BHLHA15: variants seen among roughly 807,000 people sequenced by gnomAD.
The protein encoded by BHLHA15 is class A basic helix-loop-helix protein 15.
Under a neutral mutation model 10.4 loss-of-function variants are expected in BHLHA15, and 7 were observed. That is an observed-to-expected ratio of 0.67 (90% CI 0.38 to 1.26). The LOEUF is 1.26. Ranked by LOEUF, BHLHA15 falls within the 50% of genes most tolerant of loss-of-function variation. The pLI is 0.02. For synonymous variants in BHLHA15, 140 were observed against 131.5 expected (o/e 1.06, Z -0.44); for missense variants, 289 against 287.4 (o/e 1.01, Z -0.04).
rs1433230346 is a variant in BHLHA15, at chr7:98,212,589, G to T, written c.280G>T (p.Ala94Ser). 1 of 1,606,676 alleles carries T rather than the reference G, an allele frequency of 6.2e-7. No homozygotes were observed. The highest frequency in any genetic ancestry group is 2.2e-5 in the East Asian group (1 of 44,588). Residue 94 changes from alanine (A) to serine (S), a missense_variant, in exon 2 of 2, where the codon GCC becomes TCC. Ala to Ser is a moderately conservative substitution (Grantham distance 99, BLOSUM62 1). Transcript: ENST00000609256. ...GCAGCGGATGCACAAGCTAAATAAC[G>T]CCTTCCAGGCCCTGCGTGAAGTCAT... The part of the protein sequence containing the change: ...ERQRMHKLNN[A>S]FQALREVIPH...
In BHLHA15 at chr7:98,215,034, C is replaced by T. The variant is rs899602532; in HGVS notation, c.*2155C>T. On this transcript the variant is annotated 3_prime_UTR_variant, in exon 2 of 2. Transcript: ENST00000609256. The stretch of plus-strand genomic sequence containing the variant: ...ACTCCCTTGGCCCTCCTCTTGGACC[C>T]CAAGGCCAGGCCGGATCCTTTTATC... 2.0e-5 allele frequency: 3 copies of T among 152,358 alleles called. No individual in the cohort carries two copies. The highest frequency in any genetic ancestry group is 7.2e-5 in the African/African-American group (3 of 41,476). 9.4% of individuals were successfully genotyped at this position (152,358 alleles called of 1,614,324 possible). A position where few individuals can be genotyped will look rare whatever the true frequency, so the allele number is the denominator to read the frequency against.
At position 98,212,979 on chromosome 7, in the gene BHLHA15, C is replaced by A. The variant is rs1306306315; in HGVS notation, c.*100C>A. On this transcript the variant is annotated 3_prime_UTR_variant, in exon 2 of 2. Transcript: ENST00000609256. ...CACGAGCCCCAGATGGGCGGTGACA[C>A]CCCACAAGGACACGGCCTCAGCGGT... 3 of 1,118,774 alleles carry A rather than the reference C, an allele frequency of 2.7e-6. No homozygotes were observed. The highest frequency in any genetic ancestry group is 3.7e-6 in the Non-Finnish European group (3 of 806,574). 69.3% of individuals were successfully genotyped at this position (1,118,774 alleles called of 1,614,324 possible).
Position 98,212,444 on chromosome 7 carries a change from G to T in BHLHA15, c.135G>T (p.Pro45=). 3 of 1,526,002 alleles carry T rather than the reference G, an allele frequency of 2.0e-6. No homozygotes were observed. The highest frequency in any genetic ancestry group is 2.6e-6 in the Non-Finnish European group (3 of 1,136,996). The allele number at this position is 1,526,002 out of a possible 1,614,324, so 94.5% of individuals were successfully genotyped here. A position where few individuals can be genotyped will look rare whatever the true frequency, so the allele number is the denominator to read the frequency against. The change falls in exon 2 of 2, where the codon CCG becomes CCT. Residue 45 remains proline, a synonymous_variant. Coordinates refer to ENST00000609256, the MANE Select transcript of BHLHA15 (RefSeq NM_177455.4). ...CGGCCAAGGGTCTGCGGAGCCGGCCGGCCCGGGCCGCAGCAAGGGCTCCGG... is the reference window on the plus strand; with the variant it reads ...CGGCCAAGGGTCTGCGGAGCCGGCCTGCCCGGGCCGCAGCAAGGGCTCCGG... The part of the protein sequence containing the change: ...PEPAKGLRSR[P]ARAAARAPGE...
At position 98,212,743 on chromosome 7, in the gene BHLHA15, CG is replaced by C; in HGVS notation, c.437del (p.Gly146AlafsTer77). Reference protein sequence around the residue: ...SSSRLPGLEGPGPKLYQHYQQ... With the variant: ...SSSRLPGLEGXGPKLYQHYQQ... The stretch of plus-strand genomic sequence containing the variant: ...AGCCGCCTCCCAGGCCTGGAGGGGC[CG>C]GGCCCCAAGCTCTACCAGCACTACC... On this transcript the variant is annotated frameshift_variant, in exon 2 of 2. Coordinates refer to ENST00000609256, the MANE Select transcript of BHLHA15 (RefSeq NM_177455.4). LOFTEE classifies it high-confidence loss of function. 6.4e-7 allele frequency: 1 copy of C among 1,556,540 alleles called. No homozygotes were observed. The highest frequency in any genetic ancestry group is 2.4e-5 in the East Asian group (1 of 41,746).
In BHLHA15 at chr7:98,214,448, A is replaced by G. The variant is rs1797955109; in HGVS notation, c.*1569A>G. ...CTTGGGAGGGGCACTCTGGAAGGTC[A>G]GGGTGATCCACAACTGTGAGCTGAG... On this transcript the variant is annotated 3_prime_UTR_variant, in exon 2 of 2. Coordinates refer to ENST00000609256, the MANE Select transcript of BHLHA15 (RefSeq NM_177455.4). 6.6e-6 allele frequency among the ~76,000 whole-genome samples: 1 copy of G among 152,166 alleles called. No individual in the cohort carries two copies. Among genetic ancestry groups the G allele is most frequent in the Admixed American group, 6.6e-5 (1 of 15,266 alleles).
rs1453334478 is a variant in BHLHA15 at position 98,213,691 on chromosome 7, G to A, written c.*812G>A. 1.3e-5 allele frequency among the ~76,000 whole-genome samples: 2 copies of A among 152,234 alleles called. No homozygotes were observed. The highest frequency in any genetic ancestry group is 2.9e-5 in the Non-Finnish European group (2 of 68,034). ...CCCAAGGCCCTGGGTTGCTCCCCAAGAGCAGCTCTGAGGCCTCCTGCTCAG... is the reference window on the plus strand; with the variant it reads ...CCCAAGGCCCTGGGTTGCTCCCCAAAAGCAGCTCTGAGGCCTCCTGCTCAG... On this transcript the variant is annotated 3_prime_UTR_variant, in exon 2 of 2. Transcript: ENST00000609256.
chr7:98,212,324 C>T lies in BHLHA15; in HGVS notation c.15C>T (p.Asn5=), dbSNP rs897772428. The T allele has an allele frequency of 5.1e-6, 7 of 1,371,766 alleles. No individual in the cohort carries two copies. Among genetic ancestry groups the T allele is most frequent in the Non-Finnish European group, 6.6e-6 (7 of 1,061,166 alleles). The allele number at this position is 1,371,766 out of a possible 1,614,324, so 85.0% of individuals were successfully genotyped here. A position where few individuals can be genotyped will look rare whatever the true frequency, so the allele number is the denominator to read the frequency against. ...AGTCCAGGGCCATGAAGACCAAGAA[C>T]CGGCCCCCACGGCGCCGGGCCCCGG... MKTK[N]RPPRRRAPVQ... The change falls in exon 2 of 2, where the codon AAC becomes AAT. Residue 5 remains asparagine (N), a synonymous_variant. Coordinates refer to ENST00000609256, the MANE Select transcript of BHLHA15 (RefSeq NM_177455.4).
At position 98,214,480 on chromosome 7, in the gene BHLHA15, T is replaced by C. The variant is rs889711070; in HGVS notation, c.*1601T>C. On this transcript the variant is annotated 3_prime_UTR_variant, in exon 2 of 2. Transcript: ENST00000609256. ...TCCACAACTGTGAGCTGAGGTTGGATGCAGCTGGGAGCTTGGGACAGAGAG... is the reference window on the plus strand; with the variant it reads ...TCCACAACTGTGAGCTGAGGTTGGACGCAGCTGGGAGCTTGGGACAGAGAG... 6.6e-6 allele frequency: 1 copy of C among 152,342 alleles called. No individual in the cohort carries two copies. Among genetic ancestry groups the C allele is most frequent in the Non-Finnish European group, 1.5e-5 (1 of 68,136 alleles). The allele number at this position is 152,342 out of a possible 1,614,324, so 9.4% of individuals were successfully genotyped here.
rs1797966851 is a variant in BHLHA15 at position 98,214,936 on chromosome 7, G to T, written c.*2057G>T. On this transcript the variant is annotated 3_prime_UTR_variant, in exon 2 of 2. Coordinates refer to ENST00000609256, the MANE Select transcript of BHLHA15 (RefSeq NM_177455.4). ...GACGCCCCGCGGCCACATCACACAG[G>T]ATCCTCAGCAGCCATAGTCTCGCTT... 6.6e-6 allele frequency: 1 copy of T among 152,398 alleles called. No individual in the cohort carries two copies. Among genetic ancestry groups the T allele is most frequent in the African/African-American group, 2.4e-5 (1 of 41,458 alleles). The allele number at this position is 152,398 out of a possible 1,614,324, so 9.4% of individuals were successfully genotyped here.
In BHLHA15 at chr7:98,213,097, T is replaced by C; in HGVS notation, c.*218T>C. On this transcript the variant is annotated 3_prime_UTR_variant, in exon 2 of 2. Coordinates refer to ENST00000609256, the MANE Select transcript of BHLHA15 (RefSeq NM_177455.4). The stretch of plus-strand genomic sequence containing the variant: ...AGTGGCCTAGTTGCGGCTGTGGCCC[T>C]GGACAGCGGCGTGAGGCCCAAACCT... 1.9e-6 allele frequency: 1 copy of C among 539,920 alleles called. No homozygotes were observed. Among genetic ancestry groups the C allele is most frequent in the Non-Finnish European group, 3.2e-6 (1 of 313,300 alleles). The allele number at this position is 539,920 out of a possible 1,614,324, so 33.4% of individuals were successfully genotyped here.
rs1392412241 is a variant in BHLHA15 at position 98,213,136 on chromosome 7, A to G, written c.*257A>G. Among the ~76,000 whole-genome samples, 1 of 152,188 alleles carries G rather than the reference A, an allele frequency of 6.6e-6. No homozygotes were observed. The highest frequency in any genetic ancestry group is 1.5e-5 in the Non-Finnish European group (1 of 68,024). On this transcript the variant is annotated 3_prime_UTR_variant, in exon 2 of 2. Transcript: ENST00000609256. ...AGGCCCAAACCTCTAGGTAGGGCCC[A>G]GTTGGATCCTGATTTTTCATTGAGC...
Position 98,212,759 on chromosome 7 carries a change from C to A in BHLHA15, c.450C>A (p.Tyr150Ter). The change falls in exon 2 of 2, where the codon TAC becomes TAA. Residue 150 changes from tyrosine to a stop codon, truncating the protein, a stop_gained. Transcript: ENST00000609256. LOFTEE classifies it high-confidence loss of function. ...PGLEGPGPKL[Y>*]QHYQQQQQVA... ...TGGAGGGGCCGGGCCCCAAGCTCTACCAGCACTACCAGCAGCAGCAGCAGG... is the reference window on the plus strand; with the variant it reads ...TGGAGGGGCCGGGCCCCAAGCTCTAACAGCACTACCAGCAGCAGCAGCAGG... 1 of 1,551,784 alleles carries A rather than the reference C, an allele frequency of 6.4e-7. No individual in the cohort carries two copies. The highest frequency in any genetic ancestry group is 8.7e-7 in the Non-Finnish European group (1 of 1,148,958).
At position 98,212,610 on chromosome 7, in the gene BHLHA15, G is replaced by C; in HGVS notation, c.301G>C (p.Val101Leu). 1 of 1,607,650 alleles carries C rather than the reference G, an allele frequency of 6.2e-7. No individual in the cohort carries two copies. Among genetic ancestry groups the C allele is most frequent in the Non-Finnish European group, 8.5e-7 (1 of 1,178,108 alleles). The change falls in exon 2 of 2, where the codon GTC becomes CTC. Residue 101 changes from valine to leucine, a missense_variant. By Grantham distance (32) the Val-to-Leu change is conservative (BLOSUM62 1). Transcript: ENST00000609256. The part of the protein sequence containing the change: ...LNNAFQALRE[V>L]IPHVRADKKL... ...TAACGCCTTCCAGGCCCTGCGTGAA[G>C]TCATCCCCCACGTGCGCGCGGACAA...
rs528823607 is a variant in BHLHA15 at position 98,213,402 on chromosome 7, C to T, written c.*523C>T. ...AAGCCCGGCAGAGCCTAAGGCTGCT[C>T]GGGGAGTGGGGCCAATCAGAGATGA... On this transcript the variant is annotated 3_prime_UTR_variant, in exon 2 of 2. Coordinates refer to ENST00000609256, the MANE Select transcript of BHLHA15 (RefSeq NM_177455.4). 2.6e-5 allele frequency among the ~76,000 whole-genome samples: 4 copies of T among 152,298 alleles called. No homozygotes were observed. The highest frequency in any genetic ancestry group is 3.9e-4 in the East Asian group (2 of 5,176).
chr7:98,212,010 G>C (rs1189174832), intron 1 of BHLHA15, among the ~76,000 whole-genome samples: 2 of 152,148 alleles, frequency 1.3e-5, no homozygotes, highest in Non-Finnish European at 2.9e-5. Flanking sequence ...AGTCATCCTG[G>C]GGGAAGGGGG....
intron 1 of BHLHA15, among the ~76,000 whole-genome samples, 164 bp from the exon 2 acceptor site, chr7:98,212,092 C>T (rs2116502907): frequency 6.6e-6 from 1 of 152,202 alleles, no homozygotes; most frequent in South Asian, 2.1e-4. Flanking sequence ...GTGGGGTCAG[C>T]CCAGGGCTAA....
rs771996055 is a variant in BHLHA15 at position 98,212,488 on chromosome 7, G to A, written c.179G>A (p.Arg60Gln). The part of the protein sequence containing the change: ...ARAPGEGRRR[R>Q]PGPSGPGGRR... ...GCTCCGGGCGAGGGCAGGCGCAGGC[G>A]GCCAGGACCCTCCGGGCCCGGTGGC... Residue 60 changes from arginine to glutamine, a missense_variant, in exon 2 of 2, where the codon CGG (arginine) becomes CAG (glutamine). Coordinates refer to ENST00000609256, the MANE Select transcript of BHLHA15 (RefSeq NM_177455.4). The A allele has an allele frequency of 1.4e-5, 22 of 1,560,812 alleles. No individual in the cohort carries two copies. The highest frequency in any genetic ancestry group is 1.6e-5 in the Non-Finnish European group (19 of 1,154,442).
In BHLHA15 at chr7:98,212,481, C is replaced by A; in HGVS notation, c.172C>A (p.Arg58Ser). Residue 58 changes from arginine to serine, a missense_variant, in exon 2 of 2, where the codon CGC (arginine) becomes AGC (serine). Transcript: ENST00000609256. ...AAARAPGEGRRRRPGPSGPGG... is the reference protein window; with the variant it reads ...AAARAPGEGRSRRPGPSGPGG... ...AGCAAGGGCTCCGGGCGAGGGCAGG[C>A]GCAGGCGGCCAGGACCCTCCGGGCC... is the stretch of plus-strand genomic sequence containing the variant. 1 of 1,555,594 alleles carries A rather than the reference C, an allele frequency of 6.4e-7. No homozygotes were observed.
rs922044811 is a variant in BHLHA15, at chr7:98,212,351, G to A, written c.42G>A (p.Val14=). The A allele has an allele frequency of 2.8e-6, 4 of 1,408,180 alleles. No individual in the cohort carries two copies. The African/African-American group carries it at 6.1e-5, about 21-fold the overall frequency. 87.2% of individuals were successfully genotyped at this position (1,408,180 alleles called of 1,614,324 possible). A position where few individuals can be genotyped will look rare whatever the true frequency, so the allele number is the denominator to read the frequency against. ...KNRPPRRRAP[V]QDTEATPGEG... is the part of the protein sequence containing the mutation. ...GGCCCCCACGGCGCCGGGCCCCGGT[G>A]CAGGACACAGAGGCCACCCCCGGGG... Residue 14 remains valine (V), a synonymous_variant, in exon 2 of 2, where the codon GTG becomes GTA. Coordinates refer to ENST00000609256, the MANE Select transcript of BHLHA15 (RefSeq NM_177455.4).
Sources: allele counts gnomAD v4.1 joint callset (sites outside exome capture counted in the v4.1 genomes callset), GRCh38; gene constraint gnomAD v4.1.1; transcripts MANE v1.5; gene names NCBI Gene and HGNC (gene_info 2026-07-23, HGNC 2026-07-21).